MAML3: variants seen among roughly 807,000 people sequenced by gnomAD.
The protein encoded by MAML3 is mastermind-like protein 3.
Under a neutral mutation model 101.9 loss-of-function variants are expected in MAML3, and 27 were observed. The observed-to-expected ratio is 0.27, with a 90% confidence interval of 0.20 to 0.37. The LOEUF is 0.37. MAML3 is among the 10% of genes least tolerant of loss of function. The pLI, the probability that MAML3 is intolerant of heterozygous loss-of-function variation, is 1.00. For synonymous variants in MAML3, 501 were observed against 555.9 expected (o/e 0.90, Z 1.39); for missense variants, 1,316 against 1,444.9 (o/e 0.91, Z 1.45).
intron 1 of MAML3, chr4:140,134,683 G>C: frequency 3.8e-6 from 1 of 265,972 alleles, no homozygotes; most frequent in South Asian, 4.0e-5. Flanking sequence ...ATTTGTTCAT[G>C]AGAAAAAGAA....
intron 2 of MAML3, among the ~76,000 whole-genome samples, chr4:139,861,333 C>T (rs572023032): frequency 6.6e-6 from 1 of 152,254 alleles, no homozygotes; most frequent in Admixed American, 6.5e-5. Flanking sequence ...CCATCTCAGA[C>T]ATCCTTGGCC....
At chr4:139,979,340 T>G (rs773136137) in intron 1 of MAML3, among the ~76,000 whole-genome samples, 9 of 152,180 alleles carry the variant, frequency 5.9e-5, no homozygotes, top group Non-Finnish European at 5.9e-5. Context: ...TAAACATGCC[T>G]TCTCACATTT....
intron 1 of MAML3, among the ~76,000 whole-genome samples, chr4:139,943,994 C>T (rs1385849198): frequency 6.6e-6 from 1 of 151,066 alleles, no homozygotes; most frequent in African/African-American, 2.4e-5. Flanking sequence ...CCTCAGCCTC[C>T]CAGGTAGCTG....
intron 1 of MAML3, among the ~76,000 whole-genome samples, chr4:140,069,619 AAAGAAAG>A (rs985247991): frequency 6.8e-6 from 1 of 146,202 alleles, no homozygotes; most frequent in South Asian, 2.2e-4. Flanking sequence ...AGAAGAAGAA[AAAGAAAG>A]AAGAAAGAAG....
intron 1 of MAML3, among the ~76,000 whole-genome samples, chr4:140,042,504 G>A (rs1727102946): frequency 6.6e-6 from 1 of 152,018 alleles, no homozygotes; most frequent in Non-Finnish European, 1.5e-5. Flanking sequence ...TGTGGTGGCA[G>A]GCACCTGTAG....
chr4:140,016,282 AAAG>A (rs1303302192), intron 1 of MAML3, among the ~76,000 whole-genome samples: 7 of 152,230 alleles, frequency 4.6e-5, no homozygotes, highest in African/African-American at 1.7e-4. Flanking sequence ...GAAAAAAACC[AAAG>A]AAGATCTAAA....
At position 140,027,184 on chromosome 4, in the gene MAML3, T is replaced by C. The variant is rs186526155; in HGVS notation, c.468+125676A>G. On this transcript the variant is annotated intron_variant, in intron 1 of 4. Coordinates refer to ENST00000509479, the MANE Select transcript of MAML3 (RefSeq NM_018717.5). Reference sequence around the variant, plus strand: ...AAGAAAAATATCCCCGTCTTGTTGCTTCTTGGTAGCCCATGGCATTATCCT... The same window carrying C: ...AAGAAAAATATCCCCGTCTTGTTGCCTCTTGGTAGCCCATGGCATTATCCT... Among the ~76,000 whole-genome samples the C allele has an allele frequency of 2.3e-3, 343 of 152,354 alleles. 2 individuals are homozygous for C. The highest frequency in any genetic ancestry group is 7.9e-3 in the African/African-American group (330 of 41,586).
chr4:139,720,098 A>G lies in MAML3; in HGVS notation c.2642T>C (p.Met881Thr). ...GCCACTTTGGTTTGGATGCTGCAAC[A>G]TTTGGGTCATGCCTGTGCTCATATT... ...MYNMSTGMTQ[M>T]LQHPNQSGMS... Residue 881 changes from methionine to threonine, a missense_variant, in exon 5 of 5, where the codon ATG (methionine) becomes ACG (threonine). Physicochemically the swap from Met to Thr is moderately conservative, Grantham distance 81 (BLOSUM62 -1). Coordinates refer to ENST00000509479, the MANE Select transcript of MAML3 (RefSeq NM_018717.5). The G allele has an allele frequency of 6.2e-7, 1 of 1,614,022 alleles. No homozygotes were observed. The highest frequency in any genetic ancestry group is 8.5e-7 in the Non-Finnish European group (1 of 1,179,892).
rs1398097780 is a variant in MAML3 at position 139,768,566 on chromosome 4, T to G, written c.2080-37899A>C. On this transcript the variant is annotated intron_variant, in intron 2 of 4. Transcript: ENST00000509479. ...ATTTTGGCTTACAGTTGTAAATACC[T>G]CCTTATGAATCAATAGCAATGTAAC... 2.0e-5 allele frequency among the ~76,000 whole-genome samples: 3 copies of G among 152,224 alleles called. No homozygotes were observed. In the East Asian group the frequency reaches 5.8e-4, roughly 29 times the overall value.
chr4:140,069,199 T>C lies in MAML3; in HGVS notation c.468+83661A>G, dbSNP rs569797121. 2.0e-5 allele frequency among the ~76,000 whole-genome samples: 3 copies of C among 152,174 alleles called. No homozygotes were observed. The East Asian group carries it at 5.8e-4, about 29-fold the overall frequency. On this transcript the variant is annotated intron_variant, in intron 1 of 4. Transcript: ENST00000509479. ...GCAACTTCAAAACATTTCTGTCCCA[T>C]AGTAGAAGGGGAAATGTGGAGTCTT...
At chr4:139,874,012 C>A (rs1225979158) in intron 2 of MAML3, among the ~76,000 whole-genome samples, 1 of 152,100 alleles carries the variant, frequency 6.6e-6, no homozygotes, top group East Asian at 1.9e-4. Context: ...ATTAAAAGGT[C>A]TTTTCATTAT....
rs886068804 is a variant in MAML3, at chr4:139,730,906, G to A, written c.2080-239C>T. ...ATGGCTCTGGGAAGTCCAAGGCCAA[G>A]TCCAGTCTGTTTCGGATGGGACTGA... On this transcript the variant is annotated intron_variant, in intron 2 of 4. Transcript: ENST00000509479. The A allele has an allele frequency of 2.5e-5, 14 of 570,888 alleles. No individual in the cohort carries two copies. The South Asian group carries it at 3.1e-4, about 13-fold the overall frequency. 35.4% of individuals were successfully genotyped at this position (570,888 alleles called of 1,614,324 possible).
chr4:140,026,877 A>G (rs1315228184), intron 1 of MAML3, among the ~76,000 whole-genome samples: 1 of 152,174 alleles, frequency 6.6e-6, no homozygotes, highest in Non-Finnish European at 1.5e-5. Context: ...TTCCCCTACT[A>G]TTGAACATTA....
chr4:139,804,823 C>A (rs1249334781), intron 2 of MAML3, among the ~76,000 whole-genome samples: 1 of 152,066 alleles, frequency 6.6e-6, no homozygotes, highest in Non-Finnish European at 1.5e-5. Context: ...TGAAGTGTGG[C>A]TTTAGAAGTA....
chr4:140,061,968 A>G (rs1727454623), intron 1 of MAML3, among the ~76,000 whole-genome samples: 1 of 152,204 alleles, frequency 6.6e-6, no homozygotes, highest in Admixed American at 6.5e-5. Context: ...AAAGTCACTA[A>G]GAAAGGAGGA....
At chr4:140,124,517 G>T (rs761820934) in intron 1 of MAML3, among the ~76,000 whole-genome samples, 26 of 152,166 alleles carry the variant, frequency 1.7e-4, no homozygotes, top group Non-Finnish European at 3.2e-4. Flanking sequence ...CCATTAGGAA[G>T]TGTTCTCTTA....
At chr4:140,036,550 C>T (rs1208253639) in intron 1 of MAML3, among the ~76,000 whole-genome samples, 1 of 151,996 alleles carries the variant, frequency 6.6e-6, no homozygotes, top group Non-Finnish European at 1.5e-5. Context: ...TCAGTGTAGA[C>T]TGTACGGTGT....
At chr4:140,142,321 A>C (rs1728991042) in intron 1 of MAML3, among the ~76,000 whole-genome samples, 2 of 152,228 alleles carry the variant, frequency 1.3e-5, no homozygotes, top group South Asian at 4.1e-4. Flanking sequence ...CTGAGAAAGG[A>C]AATAACATTG....
At chr4:140,001,134 A>C (rs763709917) in intron 1 of MAML3, among the ~76,000 whole-genome samples, 8 of 152,230 alleles carry the variant, frequency 5.3e-5, no homozygotes, top group Non-Finnish European at 1.2e-4. Context: ...ACATAGATTG[A>C]TTTTGCTGTT....
Sources: gnomAD v4.1 joint callset for allele counts (sites outside exome capture counted in the v4.1 genomes callset) on GRCh38, gnomAD v4.1.1 for gene constraint, MANE v1.5 for transcripts, NCBI Gene and HGNC (gene_info 2026-07-23, HGNC 2026-07-21) for gene names.